ATRX: variants seen among roughly 807,000 people sequenced by gnomAD.
ATRX encodes chromatin remodeler ATRX.
ATRX carries 12 observed loss-of-function variants against 172.6 expected under a neutral mutation model. The observed-to-expected ratio is 0.07, with a 90% CI of 0.04 to 0.11. The LOEUF is 0.11. ATRX is among the 10% of genes least tolerant of loss of function. The probability of loss-of-function intolerance (pLI) is 1.00; values close to 1 mark genes in which losing one functional copy is unlikely to be tolerated. For synonymous variants in ATRX, 674 were observed against 594.7 expected (o/e 1.13, Z -1.94); for missense variants, 1,368 against 1,767.4 (o/e 0.77, Z 4.05).
intron 1 of ATRX, among the ~76,000 whole-genome samples, chrX:77,781,359 G>A (rs990530539): frequency 3.8e-5 from 4 of 104,943 alleles, no homozygotes; most frequent in Non-Finnish European, 7.8e-5. Context: ...GGAGAATGGC[G>A]TGAACCCGGA....
At chrX:77,712,016 C>T (rs915174394) in intron 2 of ATRX, among the ~76,000 whole-genome samples, 5 of 111,895 alleles carry the variant, frequency 4.5e-5, no homozygotes, top group African/African-American at 6.5e-5. Context: ...GGAGAGTTTT[C>T]GTGCAATCTG....
intron 1 of ATRX, among the ~76,000 whole-genome samples, chrX:77,719,254 CA>C (rs1191968670): frequency 9.0e-6 from 1 of 111,025 alleles, no homozygotes; most frequent in Non-Finnish European, 1.9e-5. Flanking sequence ...AATTAAACAA[CA>C]AAAAGACAAC....
rs2071258960 is a variant in ATRX at position 77,682,323 on chromosome X, G to A, written c.2933C>T (p.Ser978Phe). ...FLKKDQSDETSEDDKKQSKKG... is the reference protein window; with the variant it reads ...FLKKDQSDETFEDDKKQSKKG... ...TTTGCTCTGCTTTTTATCATCTTCA[G>A]AAGTTTCATCGCTCTGGTCTTTCTT... Residue 978 changes from serine to phenylalanine, a missense_variant, in exon 9 of 35, where the codon TCT (serine) becomes TTT (phenylalanine). Transcript: ENST00000373344. The A allele has an allele frequency of 1.7e-6, 2 of 1,204,234 alleles. No homozygotes were observed. Among genetic ancestry groups the A allele is most frequent in the Non-Finnish European group, 2.2e-6 (2 of 893,516 alleles).
chrX:77,754,881 T>C (rs1308205515), intron 1 of ATRX, among the ~76,000 whole-genome samples: 1 of 111,977 alleles, frequency 8.9e-6, no homozygotes, highest in Non-Finnish European at 1.9e-5. Flanking sequence ...CGTTGGCCTG[T>C]CTTGGTAGGC....
At chrX:77,769,173 T>C (rs1449410685) in intron 1 of ATRX, among the ~76,000 whole-genome samples, 10 of 111,808 alleles carry the variant, frequency 8.9e-5, no homozygotes, top group Admixed American at 1.9e-4. Flanking sequence ...CTGGACAACA[T>C]AGTGAGACCC....
At chrX:77,766,465 G>A (rs1348213817) in intron 1 of ATRX, among the ~76,000 whole-genome samples, 6 of 108,419 alleles carry the variant, frequency 5.5e-5, no homozygotes, top group Admixed American at 9.7e-5. Context: ...ATTCTCAGAC[G>A]AGGCGGTTGC....
chrX:77,683,513 T>C lies in ATRX; in HGVS notation c.1743A>G (p.Lys581=). The change falls in exon 9 of 35, where the codon AAA becomes AAG. Residue 581 remains lysine (K), a synonymous_variant. Transcript: ENST00000373344. ...GTTTAACATATAATTCTTTTGTTACTTTAGCTGTAGTTTTTGATTTAATAC... is the reference window on the plus strand; with the variant it reads ...GTTTAACATATAATTCTTTTGTTACCTTAGCTGTAGTTTTTGATTTAATAC... ...RGGIKSKTTA[K]VTKELYVKLT... 1 of 1,208,715 alleles carries C rather than the reference T, an allele frequency of 8.3e-7. No homozygotes were observed. The highest frequency in any genetic ancestry group is 1.1e-6 in the Non-Finnish European group (1 of 892,775).
intron 19 of ATRX, among the ~76,000 whole-genome samples, chrX:77,630,427 T>C (rs1479442659): frequency 1.8e-5 from 2 of 111,960 alleles, no homozygotes; most frequent in African/African-American, 6.5e-5. Context: ...GAACCTCAAA[T>C]AGCAAAACAA....
At position 77,633,791 on chromosome X, in the gene ATRX, AG is replaced by A. The variant is rs1396561963; in HGVS notation, c.4810-80del. The A allele has an allele frequency of 4.8e-6, 5 of 1,051,041 alleles. No individual in the cohort carries two copies. In the East Asian group the frequency reaches 1.6e-4, roughly 35 times the overall value. 86.6% of individuals were successfully genotyped at this position (1,051,041 alleles called of 1,213,427 possible). A position where few individuals can be genotyped will look rare whatever the true frequency, so the allele number is the denominator to read the frequency against. On this transcript the variant is annotated intron_variant, in intron 17 of 34. Transcript: ENST00000373344. ...AAATTAAGCAATCTTACAATATTAT[AG>A]CTTTGTTTTGCTTAAACAATAAACG...
intron 1 of ATRX, among the ~76,000 whole-genome samples, chrX:77,737,044 T>C (rs1199136608): frequency 9.5e-6 from 1 of 105,075 alleles, no homozygotes; most frequent in Non-Finnish European, 1.9e-5. Flanking sequence ...AGACACAGAG[T>C]AGAAAGAAAA....
At chrX:77,552,164 T>G (rs1167173189) in intron 30 of ATRX, among the ~76,000 whole-genome samples, 1 of 110,919 alleles carries the variant, frequency 9.0e-6, no homozygotes, top group African/African-American at 3.3e-5. Context: ...GAAAAACACA[T>G]GCGCATGTAT....
intron 28 of ATRX, among the ~76,000 whole-genome samples, chrX:77,559,682 C>T (rs1407614720): frequency 9.2e-6 from 1 of 108,899 alleles, no homozygotes; most frequent in Non-Finnish European, 1.9e-5. Context: ...GTCTTGAACT[C>T]CTGACCTAAG....
intron 10 of ATRX, 88 bp from the exon 11 acceptor site, chrX:77,664,866 AAAATAG>A (rs2148499941): frequency 1.1e-6 from 1 of 891,974 alleles, no homozygotes; most frequent in Admixed American, 3.2e-5. Context: ...TCTTTGAATC[AAAATAG>A]AAATAAATGT....
At chrX:77,584,871 A>G (rs1046535557) in intron 27 of ATRX, among the ~76,000 whole-genome samples, 5 of 111,541 alleles carry the variant, frequency 4.5e-5, no homozygotes, top group Non-Finnish European at 9.4e-5. Flanking sequence ...TGAAGAGACA[A>G]CCCACAGGAT....
At chrX:77,685,737 C>A (rs2071515267) in intron 7 of ATRX, among the ~76,000 whole-genome samples, 1 of 111,889 alleles carries the variant, frequency 8.9e-6, no homozygotes, top group Non-Finnish European at 1.9e-5. Flanking sequence ...GATACTGGCA[C>A]TCCTATGATT....
intron 12 of ATRX, among the ~76,000 whole-genome samples, chrX:77,661,233 A>G (rs1009869685): frequency 6.2e-5 from 7 of 112,237 alleles, no homozygotes; most frequent in Admixed American, 3.8e-4. Flanking sequence ...TACATTTCAA[A>G]TAAAACATTT....
chrX:77,736,689 C>A (rs1213462615), intron 1 of ATRX, among the ~76,000 whole-genome samples: 1 of 112,341 alleles, frequency 8.9e-6, no homozygotes, highest in Non-Finnish European at 1.9e-5. Context: ...ATTGAGCTAC[C>A]ATATGATCCA....
At chrX:77,678,528 C>T (rs781949834) in intron 9 of ATRX, among the ~76,000 whole-genome samples, 8 of 112,154 alleles carry the variant, frequency 7.1e-5, no homozygotes, top group African/African-American at 2.6e-4. Flanking sequence ...GCTCTGTCGC[C>T]CAGGCTCAAG....
intron 1 of ATRX, among the ~76,000 whole-genome samples, chrX:77,772,780 C>A (rs1195136078): frequency 9.1e-6 from 1 of 110,294 alleles, no homozygotes; most frequent in South Asian, 3.8e-4. Flanking sequence ...AGTCACCACA[C>A]CCAGCCAAAA....
Sources: gnomAD v4.1 joint callset for allele counts (sites outside exome capture counted in the v4.1 genomes callset) on GRCh38, gnomAD v4.1.1 for gene constraint, MANE v1.5 for transcripts, NCBI Gene and HGNC (gene_info 2026-07-23, HGNC 2026-07-21) for gene names.